The following GIGYF2 variants were observed in gnomAD, a reference collection of about 807,000 sequenced individuals.
The protein encoded by GIGYF2 is GRB10 interacting GYF protein 2, also known as GRB10-interacting GYF protein 2.
In GIGYF2, 25 loss-of-function variants were observed where a neutral mutation model predicts 208.1. The ratio of observed to expected loss-of-function variants is 0.12; its 90% confidence interval spans 0.09 to 0.17. GIGYF2 has a LOEUF of 0.17. Among genes scored for constraint, GIGYF2 ranks in the 10% least tolerant of loss-of-function variants. The pLI is 1.00. For missense variants in GIGYF2, 1,302 were observed against 1,579.4 expected, an observed-to-expected ratio of 0.82 and a Z score of 2.98; for synonymous variants, 534 against 543.8, an observed-to-expected ratio of 0.98 and a Z score of 0.25.
At chr2:232,758,747 A>G (rs1181692668) in intron 6 of GIGYF2, among the ~76,000 whole-genome samples, 1 of 152,188 alleles carries the variant, frequency 6.6e-6, no homozygotes, top group African/African-American at 2.4e-5. Flanking sequence ...TGTTTCTGGA[A>G]TAAAACATTT....
chr2:232,707,739 G>A (rs1193337160), intron 2 of GIGYF2, among the ~76,000 whole-genome samples: 1 of 150,824 alleles, frequency 6.6e-6, no homozygotes, highest in East Asian at 2.0e-4. Context: ...CTGGGTTCAA[G>A]CGATTTTCCT....
chr2:232,702,120 T>C (rs959801262), intron 1 of GIGYF2, among the ~76,000 whole-genome samples: 1 of 152,004 alleles, frequency 6.6e-6, no homozygotes, highest in Non-Finnish European at 1.5e-5. Context: ...ACACTCCAGC[T>C]GAGGGAACAA....
chr2:232,736,664 A>C (rs1697746866), intron 3 of GIGYF2: 1 of 152,180 alleles, frequency 6.6e-6, no homozygotes, highest in Non-Finnish European at 1.5e-5. Flanking sequence ...TTATAGTTAC[A>C]TCTTTATTTC....
At chr2:232,712,872 T>TA (rs960796524) in intron 2 of GIGYF2, among the ~76,000 whole-genome samples, 6 of 152,192 alleles carry the variant, frequency 3.9e-5, no homozygotes, top group African/African-American at 1.2e-4. Context: ...TGAAGGTTTT[T>TA]AGATATTACT....
chr2:232,747,411 G>T (rs1330006616), intron 3 of GIGYF2, among the ~76,000 whole-genome samples: 1 of 152,108 alleles, frequency 6.6e-6, no homozygotes, highest in Non-Finnish European at 1.5e-5. Context: ...ATTGCCACAT[G>T]GTTGTCTAGT....
At chr2:232,750,788 T>C (rs1387591503) in intron 5 of GIGYF2, among the ~76,000 whole-genome samples, 1 of 151,690 alleles carries the variant, frequency 6.6e-6, no homozygotes, top group Non-Finnish European at 1.5e-5. Flanking sequence ...TATTTTTTGT[T>C]TACTTATTTA....
Position 232,815,729 on chromosome 2 carries a change from G to C in GIGYF2, c.2200G>C (p.Ala734Pro), listed in dbSNP as rs372701565. The C allele has an allele frequency of 7.7e-6, 12 of 1,559,884 alleles. No individual in the cohort carries two copies. Among genetic ancestry groups the C allele is most frequent in the Non-Finnish European group, 1.1e-5 (12 of 1,130,630 alleles). Residue 734 changes from alanine to proline, a missense_variant, in exon 19 of 29, where the codon GCT (alanine) becomes CCT (proline). Transcript: ENST00000373563. Reference protein sequence around the residue: ...EQLQQLEKAKAAKLEQERREA... With the variant: ...EQLQQLEKAKPAKLEQERREA... Reference sequence around the variant, plus strand: ...GCTTCAGCAGCTAGAGAAGGCCAAAGCTGCAAAGGTCTGAAACTCATTCTT... The same window carrying C: ...GCTTCAGCAGCTAGAGAAGGCCAAACCTGCAAAGGTCTGAAACTCATTCTT...
chr2:232,833,253 A>G (rs199712265), intron 22 of GIGYF2, 160 bp downstream of exon 22: 1 of 301,608 alleles, frequency 3.3e-6, no homozygotes, highest in Non-Finnish European at 5.7e-6. Flanking sequence ...TCTCACTCCC[A>G]TCACCCAGGC....
At position 232,720,581 on chromosome 2, in the gene GIGYF2, A is replaced by T. The variant is rs952196545; in HGVS notation, c.-43-14574A>T. ...AACAGTGTAATATATATATATATATATATTTTTGTTTGTTTGTTTGTTTGT... is the reference window on the plus strand; with the variant it reads ...AACAGTGTAATATATATATATATATTTATTTTTGTTTGTTTGTTTGTTTGT... On this transcript the variant is annotated intron_variant, in intron 2 of 28. Transcript: ENST00000373563. Among the ~76,000 whole-genome samples, 155 of 117,896 alleles carry T rather than the reference A, an allele frequency of 1.3e-3. 1 individual carries two copies. Among genetic ancestry groups the T allele is most frequent in the Admixed American group, 4.5e-3 (54 of 11,906 alleles). The allele number at this position is 117,896 out of a possible 152,430, so 77.3% of individuals were successfully genotyped here.
At chr2:232,815,984 T>C (rs1019113015) in intron 19 of GIGYF2, 3 of 480,602 alleles carry the variant, frequency 6.2e-6, no homozygotes, top group African/African-American at 2.0e-5. Context: ...TAGACACATA[T>C]ATATTTTAGG....
At chr2:232,764,632 G>A (rs1204175328) in intron 8 of GIGYF2, 1 of 152,200 alleles carries the variant, frequency 6.6e-6, no homozygotes, top group East Asian at 1.9e-4. Context: ...GACTTGATCT[G>A]TATGTTTCTA....
At chr2:232,734,857 T>G (rs1356732743) in intron 2 of GIGYF2, among the ~76,000 whole-genome samples, 1 of 152,208 alleles carries the variant, frequency 6.6e-6, no homozygotes, top group Non-Finnish European at 1.5e-5. Context: ...GAGAAAATCC[T>G]TAACTTAGTC....
At chr2:232,756,183 T>G (rs1240758323) in intron 5 of GIGYF2, 40 bp from the exon 6 acceptor site, 1 of 1,239,732 alleles carries the variant, frequency 8.1e-7, no homozygotes, top group African/African-American at 1.5e-5. Context: ...TTTCTTTCTT[T>G]TTTTCCTTTT....
intron 9 of GIGYF2, among the ~76,000 whole-genome samples, chr2:232,789,101 C>T (rs1699997440): frequency 6.6e-6 from 1 of 151,964 alleles, no homozygotes; most frequent in Admixed American, 6.6e-5. Context: ...AAATAGTATC[C>T]AACTTTAGTT....
At chr2:232,782,502 C>T (rs1293189893) in intron 8 of GIGYF2, among the ~76,000 whole-genome samples, 2 of 152,100 alleles carry the variant, frequency 1.3e-5, no homozygotes, top group East Asian at 1.9e-4. Flanking sequence ...CAAGAATATT[C>T]GTAGAAGCAC....
chr2:232,852,284 G>A (rs903829054), intron 28 of GIGYF2, among the ~76,000 whole-genome samples: 4 of 151,980 alleles, frequency 2.6e-5, no homozygotes, highest in Non-Finnish European at 4.4e-5. Context: ...GGTGACTCAC[G>A]CCTGTAATCC....
At chr2:232,851,735 A>G (rs1177929359) in intron 28 of GIGYF2, among the ~76,000 whole-genome samples, 2 of 152,158 alleles carry the variant, frequency 1.3e-5, no homozygotes, top group African/African-American at 4.8e-5. Flanking sequence ...ATTATTTTCT[A>G]TTTGTGAATG....
At chr2:232,796,337 C>T (rs549985871) in intron 14 of GIGYF2, 116 bp downstream of exon 14, 37 of 756,226 alleles carry the variant, frequency 4.9e-5, no homozygotes, top group African/African-American at 3.5e-4. Context: ...CAAGCACACA[C>T]GCGCGCACAC....
In GIGYF2 at chr2:232,786,006, T is replaced by C. The variant is rs145299573; in HGVS notation, c.533-1144T>C. Among the ~76,000 whole-genome samples the C allele has an allele frequency of 8.7e-3, 1,331 of 152,360 alleles. 35 individuals are homozygous for C. Among genetic ancestry groups the C allele is most frequent in the Admixed American group, 0.054 (831 of 15,304 alleles). ...GAGATTTTATAAATGTTATGAGTTA[T>C]ATATGTTAGCACATGTGGAATGGTG... On this transcript the variant is annotated intron_variant, in intron 8 of 28. Transcript: ENST00000373563.
Sources: allele counts gnomAD v4.1 joint callset (sites outside exome capture counted in the v4.1 genomes callset), GRCh38; gene constraint gnomAD v4.1.1; transcripts MANE v1.5; gene names NCBI Gene and HGNC (gene_info 2026-07-23, HGNC 2026-07-21).